Variants in DSG4 observed in about 807,000 individuals in gnomAD.
DSG4 encodes desmoglein 4.
Under a neutral mutation model 93.1 loss-of-function variants are expected in DSG4, and 87 were observed. That is an observed-to-expected ratio of 0.93 (90% CI 0.79 to 1.12). The LOEUF (loss-of-function observed/expected upper bound fraction) is 1.12, where lower values mean the gene tolerates loss of function less well. Among genes scored for constraint, DSG4 ranks in the 50% most tolerant of loss-of-function variants. The pLI, the probability that DSG4 is intolerant of heterozygous loss-of-function variation, is 0.00. For missense variants in DSG4, 1,373 were observed against 1,285.7 expected (o/e 1.07, Z -1.04); for synonymous variants, 432 against 452.9 (o/e 0.95, Z 0.59).
chr18:31,413,816 A>T lies in DSG4; in HGVS notation c.*221A>T. Reference sequence around the variant, plus strand: ...TTTCTGATTTTAAATAATGCGTCAAAAAATGTGCAGAAAATGTATTGCATC... The same window carrying T: ...TTTCTGATTTTAAATAATGCGTCAATAAATGTGCAGAAAATGTATTGCATC... On this transcript the variant is annotated 3_prime_UTR_variant, in exon 16 of 16. Coordinates refer to ENST00000308128, the MANE Select transcript of DSG4 (RefSeq NM_177986.5). The T allele has an allele frequency of 1.8e-6, 1 of 555,248 alleles. No homozygotes were observed. Among genetic ancestry groups the T allele is most frequent in the East Asian group, 3.6e-5 (1 of 28,114 alleles). The allele number at this position is 555,248 out of a possible 1,614,324, so 34.4% of individuals were successfully genotyped here. A position where few individuals can be genotyped will look rare whatever the true frequency, so the allele number is the denominator to read the frequency against.
chr18:31,394,978 A>T, intron 8 of DSG4, among the ~76,000 whole-genome samples: 1 of 152,146 alleles, frequency 6.6e-6, no homozygotes, highest in East Asian at 1.9e-4. Flanking sequence ...TAATAGAAGA[A>T]TTTTGTGCAT....
intron 1 of DSG4, among the ~76,000 whole-genome samples, chr18:31,383,739 C>T (rs1463511841): frequency 1.3e-5 from 2 of 152,082 alleles, no homozygotes. Flanking sequence ...CACCTTTCAG[C>T]CATGGCAAAC....
intron 14 of DSG4, 120 bp from the exon 15 acceptor site, chr18:31,411,111 T>C (rs2072482725): frequency 6.2e-7 from 1 of 1,601,484 alleles, no homozygotes. Flanking sequence ...CTTTGTCAGC[T>C]TTTTAGCGCC....
chr18:31,412,927 G>A lies in DSG4; in HGVS notation c.2455G>A (p.Gly819Ser). 1 of 1,614,170 alleles carries A rather than the reference G, an allele frequency of 6.2e-7. No homozygotes were observed. The highest frequency in any genetic ancestry group is 2.2e-5 in the East Asian group (1 of 44,876). Residue 819 changes from glycine to serine, a missense_variant, in exon 16 of 16, where the codon GGT becomes AGT. Physicochemically the swap from Gly to Ser is moderately conservative, Grantham distance 56. Transcript: ENST00000308128. ...AGTCGGGTCTCCCGTAGGCTCTATT[G>A]GTTGTTGCAGTTGGATTGTGGATGA... Reference protein sequence around the residue: ...EGVGSPVGSIGCCSWIVDDLD... With the variant: ...EGVGSPVGSISCCSWIVDDLD...
chr18:31,377,026 G>A, intron 1 of DSG4, 67 bp downstream of exon 1: 1 of 1,531,042 alleles, frequency 6.5e-7, no homozygotes, highest in Non-Finnish European at 9.0e-7. Context: ...CAACTGTCGG[G>A]CTTTCTACAT....
At chr18:31,408,551 A>C (rs928375372) in intron 12 of DSG4, among the ~76,000 whole-genome samples, 1 of 152,178 alleles carries the variant, frequency 6.6e-6, no homozygotes, top group African/African-American at 2.4e-5. Context: ...ATCTGTTTTT[A>C]ATTTTTAATT....
chr18:31,390,569 C>A, intron 5 of DSG4, 87 bp from the exon 6 acceptor site: 6 of 1,517,930 alleles, frequency 4.0e-6, no homozygotes, highest in Non-Finnish European at 5.5e-6. Context: ...CAGGAGAAGG[C>A]CAACCACTCT....
chr18:31,409,671 A>G (rs2072465294), intron 13 of DSG4, 74 bp from the exon 14 acceptor site: 1 of 1,613,942 alleles, frequency 6.2e-7, no homozygotes, highest in Admixed American at 1.7e-5. Context: ...ATGCTGCACA[A>G]AAATGAACAG....
At position 31,413,911 on chromosome 18, in the gene DSG4, C is replaced by A; in HGVS notation, c.*316C>A. On this transcript the variant is annotated 3_prime_UTR_variant, in exon 16 of 16. Transcript: ENST00000308128. ...CCTATGGGTCTTGAGGCCTGTAGAA[C>A]CAATCTTGTAAACCAAGATGCCTTG... 4.9e-6 allele frequency: 1 copy of A among 205,734 alleles called. No individual in the cohort carries two copies. Among genetic ancestry groups the A allele is most frequent in the South Asian group, 9.5e-5 (1 of 10,570 alleles). The allele number at this position is 205,734 out of a possible 1,614,324, so 12.7% of individuals were successfully genotyped here.
At chr18:31,398,356 T>C (rs2072328158) in intron 8 of DSG4, among the ~76,000 whole-genome samples, 1 of 152,182 alleles carries the variant, frequency 6.6e-6, no homozygotes, top group East Asian at 1.9e-4. Context: ...TTTCTGTGAA[T>C]GTTTTTCTTA....
rs199797328 is a variant in DSG4 at position 31,412,906 on chromosome 18, G to A, written c.2434G>A (p.Gly812Arg). 9.3e-6 allele frequency: 15 copies of A among 1,614,174 alleles called. No homozygotes were observed. Among genetic ancestry groups the A allele is most frequent in the East Asian group, 2.2e-5 (1 of 44,882 alleles). The change falls in exon 16 of 16, where the codon GGG becomes AGG. Residue 812 changes from glycine (G) to arginine (R), a missense_variant. By Grantham distance (125) the Gly-to-Arg change is moderately radical. Transcript: ENST00000308128. ...CLLIYDHEGV[G>R]SPVGSIGCCS... is the part of the protein sequence containing the mutation. Reference sequence around the variant, plus strand: ...GCTCATTTATGACCACGAGGGAGTCGGGTCTCCCGTAGGCTCTATTGGTTG... The same window carrying A: ...GCTCATTTATGACCACGAGGGAGTCAGGTCTCCCGTAGGCTCTATTGGTTG...
intron 8 of DSG4, among the ~76,000 whole-genome samples, chr18:31,395,221 T>G (rs1038199016): frequency 6.6e-6 from 1 of 151,958 alleles, no homozygotes; most frequent in Non-Finnish European, 1.5e-5. Flanking sequence ...ATCTGACTTA[T>G]GTAATGTGCC....
intron 11 of DSG4, among the ~76,000 whole-genome samples, 161 bp from the exon 12 acceptor site, chr18:31,405,916 A>C (rs1173918813): frequency 2.0e-5 from 3 of 151,278 alleles, no homozygotes; most frequent in African/African-American, 7.3e-5. Context: ...AATAATAATA[A>C]ATTAAATAAA....
At chr18:31,394,468 T>C (rs939678132) in intron 8 of DSG4, among the ~76,000 whole-genome samples, 2 of 152,016 alleles carry the variant, frequency 1.3e-5, no homozygotes, top group Non-Finnish European at 2.9e-5. Context: ...TCCCAACTAC[T>C]CGGGAGGCTG....
In DSG4 at chr18:31,389,030, G is replaced by A. The variant is rs751531908; in HGVS notation, c.517+12G>A. The A allele has an allele frequency of 3.1e-6, 5 of 1,612,642 alleles. No homozygotes were observed. The highest frequency in any genetic ancestry group is 1.1e-5 in the South Asian group (1 of 91,018). On this transcript the variant is annotated intron_variant, in intron 5 of 15. Transcript: ENST00000308128. ...AAATAGTGATGCCAGTAAGTAGAAT[G>A]ACATTCCTTCTCTACGTCACAGCAT...
chr18:31,409,359 T>C (rs2072460150), intron 12 of DSG4, 93 bp from the exon 13 acceptor site: 1 of 1,583,578 alleles, frequency 6.3e-7, no homozygotes. Flanking sequence ...GTTCTAAATA[T>C]ACTGCCACCA....
intron 8 of DSG4, among the ~76,000 whole-genome samples, chr18:31,393,955 T>C (rs954041653): frequency 2.6e-5 from 4 of 152,338 alleles, no homozygotes; most frequent in Admixed American, 2.6e-4. Flanking sequence ...TTTTATAATT[T>C]CTTAAGTGAA....
intron 1 of DSG4, among the ~76,000 whole-genome samples, chr18:31,379,549 A>G (rs1315453360): frequency 6.6e-6 from 1 of 152,190 alleles, no homozygotes; most frequent in Non-Finnish European, 1.5e-5. Context: ...GTCATAAAAG[A>G]CAACCATTTA....
At chr18:31,405,545 T>C (rs1190099393) in intron 11 of DSG4, among the ~76,000 whole-genome samples, 1 of 151,918 alleles carries the variant, frequency 6.6e-6, no homozygotes, top group South Asian at 2.1e-4. Context: ...AAGCAATACT[T>C]ATTTAAAAAT....
Sources: allele counts gnomAD v4.1 joint callset (sites outside exome capture counted in the v4.1 genomes callset), GRCh38; gene constraint gnomAD v4.1.1; transcripts MANE v1.5; gene names NCBI Gene and HGNC (gene_info 2026-07-23, HGNC 2026-07-21).